ARMH4: variants seen among roughly 807,000 people sequenced by gnomAD.
ARMH4 encodes the protein armadillo like helical domain containing 4.
ARMH4 carries 49 observed loss-of-function variants against 61.9 expected under a neutral mutation model. That is an observed-to-expected ratio of 0.79 (90% CI 0.63 to 1.00). ARMH4 has a LOEUF of 1.00. Ranked by LOEUF, ARMH4 falls within the 50% of genes least tolerant of loss-of-function variation. The probability of loss-of-function intolerance (pLI) is 0.00; values close to 1 mark genes in which losing one functional copy is unlikely to be tolerated. For missense variants in ARMH4, 934 were observed against 930.0 expected (o/e 1.00, Z -0.06); for synonymous variants, 368 against 341.5 (o/e 1.08, Z -0.85).
intron 2 of ARMH4, among the ~76,000 whole-genome samples, chr14:58,134,831 C>T (rs1376234937): frequency 4.6e-5 from 7 of 151,934 alleles, no homozygotes; most frequent in Non-Finnish European, 8.8e-5. Context: ...GTGGCACATT[C>T]CTGTCATCCC....
At chr14:58,130,959 C>T (rs1219965768) in intron 4 of ARMH4, among the ~76,000 whole-genome samples, 1 of 152,212 alleles carries the variant, frequency 6.6e-6, no homozygotes, top group Non-Finnish European at 1.5e-5. Flanking sequence ...TTCCACCCCC[C>T]ACCATCTTAA....
At chr14:58,065,628 C>T (rs902435306) in intron 5 of ARMH4, among the ~76,000 whole-genome samples, 1 of 152,250 alleles carries the variant, frequency 6.6e-6, no homozygotes, top group African/African-American at 2.4e-5. Flanking sequence ...ATTTACACAG[C>T]AATGTGGCTC....
intron 5 of ARMH4, among the ~76,000 whole-genome samples, chr14:58,074,454 CTTTT>C (rs777905376): frequency 1.4e-5 from 2 of 139,324 alleles, no homozygotes; most frequent in Non-Finnish European, 3.1e-5. Context: ...CAACACAGTT[CTTTT>C]TTTTTTTTTT....
intron 5 of ARMH4, among the ~76,000 whole-genome samples, chr14:58,074,949 G>T (rs577023699): frequency 5.9e-5 from 9 of 152,198 alleles, no homozygotes; most frequent in African/African-American, 1.9e-4. Flanking sequence ...GAGGGATGTG[G>T]CTTTATATAT....
intron 5 of ARMH4, among the ~76,000 whole-genome samples, chr14:58,083,958 A>G (rs893709106): frequency 3.9e-5 from 6 of 152,246 alleles, no homozygotes; most frequent in Non-Finnish European, 8.8e-5. Context: ...TAGGAGAATC[A>G]TGATTATACC....
intron 1 of ARMH4, chr14:58,141,466 A>G: frequency 3.7e-6 from 2 of 540,952 alleles, no homozygotes; most frequent in East Asian, 9.7e-5. Flanking sequence ...CAACATCCAG[A>G]AAGAGTCCAC....
intron 5 of ARMH4, among the ~76,000 whole-genome samples, chr14:58,039,264 T>C (rs1229585259): frequency 6.6e-6 from 1 of 152,182 alleles, no homozygotes. Flanking sequence ...CCCCACCTAC[T>C]CCTATTCCCT....
At chr14:58,073,707 TC>T (rs1884958467) in intron 5 of ARMH4, among the ~76,000 whole-genome samples, 1 of 152,210 alleles carries the variant, frequency 6.6e-6, no homozygotes, top group African/African-American at 2.4e-5. Flanking sequence ...TCAATGGAGT[TC>T]TTTGTTTAAG....
At chr14:58,017,791 A>G (rs1013475831) in intron 5 of ARMH4, among the ~76,000 whole-genome samples, 4 of 152,182 alleles carry the variant, frequency 2.6e-5, no homozygotes, top group African/African-American at 9.7e-5. Flanking sequence ...TAAAATTTGT[A>G]TGGAACCACA....
chr14:58,138,858 A>T lies in ARMH4; in HGVS notation c.501T>A (p.Thr167=), dbSNP rs1328820434. 2 of 1,614,138 alleles carry T rather than the reference A, an allele frequency of 1.2e-6. No homozygotes were observed. Among genetic ancestry groups the T allele is most frequent in the Non-Finnish European group, 1.7e-6 (2 of 1,180,056 alleles). The change falls in exon 2 of 8, where the codon ACT becomes ACA. Residue 167 remains threonine, a synonymous_variant. Transcript: ENST00000267485. ...TCTCTTCTACAATGGGCTGAAAGTT[A>T]GTGCTTGTAAGGAGTTCCTCCTTTT... ...VDEKEELLTS[T]NFQPIVEEIT...
intron 5 of ARMH4, among the ~76,000 whole-genome samples, chr14:58,075,876 T>G (rs541324436): frequency 6.6e-6 from 1 of 152,282 alleles, no homozygotes; most frequent in Admixed American, 6.5e-5. Flanking sequence ...TGTTCATATG[T>G]AAAATGGAGA....
intron 5 of ARMH4, among the ~76,000 whole-genome samples, chr14:58,091,979 C>G (rs1377751455): frequency 6.6e-6 from 1 of 152,200 alleles, no homozygotes; most frequent in African/African-American, 2.4e-5. Flanking sequence ...GCATATGTAA[C>G]AGTGCAGAAA....
intron 5 of ARMH4, among the ~76,000 whole-genome samples, chr14:58,043,579 G>A (rs9671958): frequency 6.8e-4 from 104 of 152,152 alleles, no homozygotes; most frequent in African/African-American, 2.1e-3. Flanking sequence ...ACTCCTATTC[G>A]ACATAGTGTT....
At chr14:58,045,460 T>C (rs1257617111) in intron 5 of ARMH4, among the ~76,000 whole-genome samples, 2 of 151,972 alleles carry the variant, frequency 1.3e-5, no homozygotes, top group African/African-American at 4.8e-5. Flanking sequence ...CGGGCCCTGT[T>C]GTGGGGTGAG....
At chr14:58,009,557 T>C (rs920112891) in intron 6 of ARMH4, among the ~76,000 whole-genome samples, 2 of 152,050 alleles carry the variant, frequency 1.3e-5, no homozygotes, top group African/African-American at 4.8e-5. Context: ...ATGCCTGTAA[T>C]CCCAGCACTT....
At chr14:58,063,860 G>A (rs914158927) in intron 5 of ARMH4, among the ~76,000 whole-genome samples, 15 of 152,126 alleles carry the variant, frequency 9.9e-5, no homozygotes, top group Non-Finnish European at 1.5e-4. Context: ...GTTCCACCTG[G>A]CTGGAATTTG....
chr14:58,044,067 C>T (rs1310674544), intron 5 of ARMH4, among the ~76,000 whole-genome samples: 2 of 152,130 alleles, frequency 1.3e-5, no homozygotes, highest in African/African-American at 2.4e-5. Context: ...TCAATGCCAT[C>T]CCCATCAAGC....
chr14:58,029,913 T>C (rs1437007193), intron 5 of ARMH4, among the ~76,000 whole-genome samples: 9 of 152,124 alleles, frequency 5.9e-5, no homozygotes. Context: ...CGAATGTTCA[T>C]AGCAACACTA....
chr14:58,134,389 CTG>C (rs1240981081), intron 2 of ARMH4, among the ~76,000 whole-genome samples: 2 of 152,116 alleles, frequency 1.3e-5, no homozygotes, highest in Admixed American at 6.5e-5. Flanking sequence ...GTATTAAAGA[CTG>C]TTTATAATAA....
Sources: allele counts gnomAD v4.1 joint callset (sites outside exome capture counted in the v4.1 genomes callset), GRCh38; gene constraint gnomAD v4.1.1; transcripts MANE v1.5; gene names NCBI Gene and HGNC (gene_info 2026-07-23, HGNC 2026-07-21).